INPP5B: variants seen among roughly 807,000 people sequenced by gnomAD.
INPP5B encodes the protein inositol polyphosphate-5-phosphatase B.
INPP5B carries 90 observed loss-of-function variants against 118.5 expected under a neutral mutation model. The observed-to-expected ratio is 0.76, with a 90% CI of 0.64 to 0.90. The LOEUF is 0.90. Among genes scored for constraint, INPP5B ranks in the 40% least tolerant of loss-of-function variants. INPP5B has a pLI of 0.00. For synonymous variants in INPP5B, 385 were observed against 418.9 expected, an observed-to-expected ratio of 0.92 and a Z score of 0.99; for missense variants, 984 against 1,125.6, an observed-to-expected ratio of 0.87 and a Z score of 1.80.
chr1:37,905,194 A>G (rs1214783694), intron 7 of INPP5B, among the ~76,000 whole-genome samples: 1 of 152,214 alleles, frequency 6.6e-6, no homozygotes, highest in Non-Finnish European at 1.5e-5. Flanking sequence ...TGAAGTCAGG[A>G]GTTCAAGACC....
At position 37,889,541 on chromosome 1, in the gene INPP5B, G is replaced by C; in HGVS notation, c.797+16C>G. 1 of 1,604,410 alleles carries C rather than the reference G, an allele frequency of 6.2e-7. No homozygotes were observed. The highest frequency in any genetic ancestry group is 1.7e-5 in the Admixed American group (1 of 59,084). Reference sequence around the variant, plus strand: ...ATCATTCTGCTCTGAAAACATCCTAGAACCCAGTTAGCTACCTGAAGTTCT... The same window carrying C: ...ATCATTCTGCTCTGAAAACATCCTACAACCCAGTTAGCTACCTGAAGTTCT... On this transcript the variant is annotated intron_variant, in intron 9 of 23. Coordinates refer to ENST00000373024, the MANE Select transcript of INPP5B (RefSeq NM_005540.3).
intron 18 of INPP5B, 31 bp from the exon 19 acceptor site, chr1:37,873,196 C>T (rs745873501): frequency 4.4e-5 from 66 of 1,508,624 alleles, no homozygotes; most frequent in South Asian, 9.0e-5. Flanking sequence ...TAATGTTGGC[C>T]GGGGGCAGGC....
intron 19 of INPP5B, among the ~76,000 whole-genome samples, chr1:37,869,249 T>G (rs1642248760): frequency 6.6e-6 from 1 of 151,898 alleles, no homozygotes; most frequent in Admixed American, 6.6e-5. Context: ...CACCTCGGCC[T>G]CCCAAAGTGC....
chr1:37,907,912 T>G lies in INPP5B; in HGVS notation c.533-16458A>C, dbSNP rs1188323421. Among the ~76,000 whole-genome samples, 3 of 152,154 alleles carry G rather than the reference T, an allele frequency of 2.0e-5. No homozygotes were observed. Among genetic ancestry groups the G allele is most frequent in the Admixed American group, 6.5e-5 (1 of 15,278 alleles). ...AGCAACTGAAGATCCACAAAAGAACTGAAAACAGCCTTAACTGATGACATT... is the reference window on the plus strand; with the variant it reads ...AGCAACTGAAGATCCACAAAAGAACGGAAAACAGCCTTAACTGATGACATT... On this transcript the variant is annotated intron_variant, in intron 7 of 23. Transcript: ENST00000373024. This position sits in a 1 kb window ranked among gnomAD's most constrained non-coding sequence, Gnocchi z 4.3.
At chr1:37,938,096 C>A (rs1214210371) in intron 6 of INPP5B, among the ~76,000 whole-genome samples, 1 of 150,998 alleles carries the variant, frequency 6.6e-6, no homozygotes, top group Non-Finnish European at 1.5e-5. Context: ...CATGGTGAAA[C>A]CTTGTCTCTA....
chr1:37,919,038 G>A (rs1644966210), intron 7 of INPP5B, among the ~76,000 whole-genome samples: 1 of 152,212 alleles, frequency 6.6e-6, no homozygotes. Context: ...AAATGGTGCA[G>A]CTGACATTAA....
At chr1:37,901,475 T>A (rs1217392771) in intron 7 of INPP5B, among the ~76,000 whole-genome samples, 1 of 152,170 alleles carries the variant, frequency 6.6e-6, no homozygotes, top group Non-Finnish European at 1.5e-5. Context: ...TTCTAATGAC[T>A]CTCTCAGGAT....
intron 7 of INPP5B, among the ~76,000 whole-genome samples, chr1:37,908,039 G>A (rs1644557460): frequency 6.6e-6 from 1 of 151,632 alleles, no homozygotes; most frequent in South Asian, 2.1e-4. Context: ...CCTTAAGAAT[G>A]TACTTTGTAC....
At chr1:37,879,256 G>C (rs1643042864) in intron 15 of INPP5B, among the ~76,000 whole-genome samples, 1 of 150,806 alleles carries the variant, frequency 6.6e-6, no homozygotes. Flanking sequence ...TGGCGACAGA[G>C]TGAGACTCCG....
intron 8 of INPP5B, 108 bp downstream of exon 8, chr1:37,891,250 T>G (rs925819004): frequency 2.9e-6 from 2 of 686,280 alleles, no homozygotes; most frequent in Non-Finnish European, 2.5e-6. Context: ...AAAGGACACT[T>G]CCTAGGCCAG....
rs1340212486 is a variant in INPP5B at position 37,862,099 on chromosome 1, T to C, written c.*216A>G. 4.4e-6 allele frequency: 2 copies of C among 457,624 alleles called. No homozygotes were observed. The highest frequency in any genetic ancestry group is 2.0e-5 in the African/African-American group (1 of 49,984). 28.3% of individuals were successfully genotyped at this position (457,624 alleles called of 1,614,324 possible). ...AATAACTAAAGTTGAAAATTGAATG[T>C]CAGTTTTATTATGGTGGATTTTCTC... is the stretch of plus-strand genomic sequence containing the variant. On this transcript the variant is annotated 3_prime_UTR_variant, in exon 24 of 24. Transcript: ENST00000373024.
chr1:37,896,947 T>C (rs1161532423), intron 7 of INPP5B, among the ~76,000 whole-genome samples: 4 of 115,998 alleles, frequency 3.4e-5, no homozygotes, highest in Admixed American at 8.7e-5. Context: ...GAGGAGCCAC[T>C]CTGCCCGGCC....
At chr1:37,881,011 T>C (rs914897572) in intron 14 of INPP5B, among the ~76,000 whole-genome samples, 1 of 152,196 alleles carries the variant, frequency 6.6e-6, no homozygotes. Context: ...GTGCAAGCCA[T>C]TGTGTCTGGC....
chr1:37,917,485 G>A (rs749550185), intron 7 of INPP5B, among the ~76,000 whole-genome samples: 10 of 150,598 alleles, frequency 6.6e-5, no homozygotes, highest in East Asian at 2.0e-4. Flanking sequence ...CACCACACCC[G>A]GATAATTTTT....
chr1:37,866,619 A>C, intron 20 of INPP5B, 76 bp from the exon 21 acceptor site: 1 of 860,370 alleles, frequency 1.2e-6, no homozygotes, highest in Non-Finnish European at 1.9e-6. Flanking sequence ...TGGCAATATC[A>C]ATAGCAGAAT....
At chr1:37,873,557 C>T (rs1354579025) in intron 18 of INPP5B, among the ~76,000 whole-genome samples, 1 of 152,158 alleles carries the variant, frequency 6.6e-6, no homozygotes. Context: ...CCACAAAACA[C>T]CCTTCATTGT....
intron 5 of INPP5B, among the ~76,000 whole-genome samples, chr1:37,941,281 C>A (rs538422711): frequency 6.6e-6 from 1 of 152,084 alleles, no homozygotes; most frequent in African/African-American, 2.4e-5. Context: ...TACCCAATAC[C>A]GGGCACATGG....
chr1:37,873,988 C>T lies in INPP5B; in HGVS notation c.1951+5G>A. On this transcript the variant is annotated splice_donor_5th_base_variant and intron_variant, in intron 18 of 23. Transcript: ENST00000373024. ...ATACCAGGAAGCTAGGAACAGAGGC[C>T]TTACCTGGCAGGAGGAAGCCTCTGC... 2 of 1,558,316 alleles carry T rather than the reference C, an allele frequency of 1.3e-6. No individual in the cohort carries two copies. Among genetic ancestry groups the T allele is most frequent in the Non-Finnish European group, 1.8e-6 (2 of 1,140,326 alleles).
chr1:37,864,740 A>G (rs1253837869), intron 22 of INPP5B: 1 of 194,454 alleles, frequency 5.1e-6, no homozygotes, highest in Non-Finnish European at 1.0e-5. Flanking sequence ...GTATAAAAAA[A>G]GGGCAGGAGA....
Sources: allele counts gnomAD v4.1 joint callset (sites outside exome capture counted in the v4.1 genomes callset), GRCh38; gene constraint gnomAD v4.1.1; non-coding constraint Gnocchi (gnomAD v3.1); transcripts MANE v1.5; gene names NCBI Gene and HGNC (gene_info 2026-07-23, HGNC 2026-07-21).